The following EPSTI1 variants were observed in gnomAD, a reference collection of about 807,000 sequenced individuals.
EPSTI1 encodes the protein epithelial-stromal interaction protein 1.
Under a neutral mutation model 49.9 loss-of-function variants are expected in EPSTI1, and 66 were observed. That is an observed-to-expected ratio of 1.32 (90% CI 1.08 to 1.62). The LOEUF (loss-of-function observed/expected upper bound fraction) is 1.62. Ranked by LOEUF, EPSTI1 falls within the 40% of genes most tolerant of loss-of-function variation. The pLI, the probability that EPSTI1 is intolerant of heterozygous loss-of-function variation, is 0.00. For synonymous variants in EPSTI1, 137 were observed against 130.7 expected, an observed-to-expected ratio of 1.05 and a Z score of -0.33; for missense variants, 394 against 365.5, an observed-to-expected ratio of 1.08 and a Z score of -0.64.
In EPSTI1 at chr13:42,942,329, A is replaced by G. The variant is rs192910570; in HGVS notation, c.563+11619T>C. On this transcript the variant is annotated intron_variant, in intron 6 of 10. Transcript: ENST00000313624. ...TGTGAATGCTGACTTATTGGACTTA[A>G]TATTTTGCTTGTTACTTTTTATTGA... Among the ~76,000 whole-genome samples, 955 of 152,276 alleles carry G rather than the reference A, an allele frequency of 6.3e-3. 3 individuals are homozygous for G. Among genetic ancestry groups the G allele is most frequent in the Non-Finnish European group, 0.011 (735 of 68,006 alleles).
At chr13:42,931,496 C>T (rs1196899334) in intron 6 of EPSTI1, among the ~76,000 whole-genome samples, 4 of 152,230 alleles carry the variant, frequency 2.6e-5, no homozygotes, top group Non-Finnish European at 4.4e-5. Flanking sequence ...TGAGCCACCG[C>T]GCCCGGCCTT....
At chr13:42,981,039 T>C (rs931284607) in intron 1 of EPSTI1, among the ~76,000 whole-genome samples, 2 of 152,196 alleles carry the variant, frequency 1.3e-5, no homozygotes, top group Non-Finnish European at 2.9e-5. Flanking sequence ...ATACTAGCCC[T>C]TGAGTTTTAA....
At chr13:42,956,287 G>A (rs984927794) in intron 5 of EPSTI1, among the ~76,000 whole-genome samples, 24 of 152,198 alleles carry the variant, frequency 1.6e-4, no homozygotes, top group Non-Finnish European at 2.8e-4. Context: ...TTATGAGGGT[G>A]CTTCTTTCTA....
rs145216528 is a variant in EPSTI1 at position 42,961,293 on chromosome 13, G to A, written c.489+1962C>T. 8.6e-4 allele frequency among the ~76,000 whole-genome samples: 131 copies of A among 152,238 alleles called. 2 individuals carry two copies. In the East Asian group the frequency reaches 0.014, roughly 17 times the overall value. On this transcript the variant is annotated intron_variant, in intron 5 of 10. Transcript: ENST00000313624. The stretch of plus-strand genomic sequence containing the variant: ...TGTAGCATTTACTGATTTCCACATC[G>A]TAAATATTTTCCACCACAGTCGGTT...
intron 2 of EPSTI1, 93 bp from the exon 3 acceptor site, chr13:42,969,270 A>G (rs2039706974): frequency 3.3e-6 from 4 of 1,215,892 alleles, no homozygotes; most frequent in Non-Finnish European, 4.7e-6. Context: ...ATTAGAAGGC[A>G]ATTAACTATA....
intron 10 of EPSTI1, 97 bp from the exon 11 acceptor site, chr13:42,888,599 G>C: frequency 7.8e-7 from 1 of 1,279,632 alleles, no homozygotes; most frequent in Non-Finnish European, 1.1e-6. Flanking sequence ...ACGCTCTTAT[G>C]CATCAAGCTG....
chr13:42,920,014 T>C (rs2037947850), intron 7 of EPSTI1, among the ~76,000 whole-genome samples: 1 of 152,222 alleles, frequency 6.6e-6, no homozygotes, highest in Admixed American at 6.5e-5. Flanking sequence ...ATCTTCATCA[T>C]GCATCTCTTC....
intron 1 of EPSTI1, among the ~76,000 whole-genome samples, chr13:42,986,349 T>C (rs917001546): frequency 2.3e-4 from 35 of 152,236 alleles, no homozygotes; most frequent in African/African-American, 7.2e-4. Context: ...CCCAGAGTGC[T>C]AAGTGTCTTT....
In EPSTI1 at chr13:42,922,853, T is replaced by G. The variant is rs535551569; in HGVS notation, c.657+3483A>C. On this transcript the variant is annotated intron_variant, in intron 7 of 10. Coordinates refer to ENST00000313624, the MANE Select transcript of EPSTI1 (RefSeq NM_033255.5). This position sits in a 1 kb window ranked among gnomAD's most constrained non-coding sequence, Gnocchi z 4.8. ...GCTATAGAGCTTGGCCCCTCAGACA[T>G]TAACGTGCACACACATCTTCCATGG... 6.6e-6 allele frequency among the ~76,000 whole-genome samples: 1 copy of G among 152,262 alleles called. No individual in the cohort carries two copies. The highest frequency in any genetic ancestry group is 2.1e-4 in the South Asian group (1 of 4,822).
At chr13:42,989,879 C>A (rs2040163491) in intron 1 of EPSTI1, among the ~76,000 whole-genome samples, 1 of 152,036 alleles carries the variant, frequency 6.6e-6, no homozygotes. Flanking sequence ...AGGCGTGAGA[C>A]ACCATGCCCG....
intron 1 of EPSTI1, among the ~76,000 whole-genome samples, chr13:42,979,514 G>A (rs1430683729): frequency 6.6e-6 from 1 of 150,772 alleles, no homozygotes; most frequent in East Asian, 1.9e-4. Flanking sequence ...CCCGGAAGGC[G>A]GCGGAGCTTG....
chr13:42,941,522 A>G (rs768577189), intron 6 of EPSTI1, among the ~76,000 whole-genome samples: 10 of 151,586 alleles, frequency 6.6e-5, no homozygotes, highest in Non-Finnish European at 1.5e-4. Flanking sequence ...TGGGAGGCTG[A>G]GGTGGGATGA....
chr13:42,945,080 C>T (rs1187604018), intron 6 of EPSTI1, among the ~76,000 whole-genome samples: 1 of 152,192 alleles, frequency 6.6e-6, no homozygotes, highest in East Asian at 1.9e-4. Flanking sequence ...TCTGTTCTCA[C>T]ACTGCTAATA....
chr13:42,989,211 C>T (rs147555727), intron 1 of EPSTI1, among the ~76,000 whole-genome samples: 1 of 151,834 alleles, frequency 6.6e-6, no homozygotes, highest in East Asian at 1.9e-4. Flanking sequence ...CACAAACATT[C>T]GACTTAAGGG....
chr13:42,902,200 C>A (rs1443134854), intron 8 of EPSTI1, among the ~76,000 whole-genome samples: 1 of 151,926 alleles, frequency 6.6e-6, no homozygotes, highest in Non-Finnish European at 1.5e-5. Context: ...AACTTCCTCT[C>A]ATAGTACAGC....
chr13:42,962,639 C>G (rs1240324243), intron 5 of EPSTI1, among the ~76,000 whole-genome samples: 1 of 128,844 alleles, frequency 7.8e-6, no homozygotes, highest in African/African-American at 2.7e-5. Context: ...AAAAAAATAG[C>G]TATAGTGGTG....
chr13:42,888,111 A>G lies in EPSTI1; in HGVS notation c.*383T>C. 1.9e-6 allele frequency: 2 copies of G among 1,068,330 alleles called. No individual in the cohort carries two copies. Among genetic ancestry groups the G allele is most frequent in the African/African-American group, 1.6e-5 (1 of 63,182 alleles). The allele number at this position is 1,068,330 out of a possible 1,614,324, so 66.2% of individuals were successfully genotyped here. ...TCTAAAAAGACCCCCAAAGCTTTCA[A>G]AACCTGATCTGAGAATTAGATAAGA... On this transcript the variant is annotated 3_prime_UTR_variant, in exon 11 of 11. Coordinates refer to ENST00000313624, the MANE Select transcript of EPSTI1 (RefSeq NM_033255.5).
intron 2 of EPSTI1, 183 bp from the exon 3 acceptor site, chr13:42,969,360 C>T (rs1368766700): frequency 4.9e-5 from 30 of 608,420 alleles, no homozygotes; most frequent in Non-Finnish European, 8.2e-5. Flanking sequence ...CTGGGCCCGG[C>T]CCTGTGGCAC....
At chr13:42,969,705 A>G (rs1370422001) in intron 2 of EPSTI1, 5 of 153,602 alleles carry the variant, frequency 3.3e-5, no homozygotes, top group Non-Finnish European at 7.2e-5. Flanking sequence ...ACCACTGTGC[A>G]GAGTCGGCTT....
Sources: allele counts gnomAD v4.1 joint callset (sites outside exome capture counted in the v4.1 genomes callset), GRCh38; gene constraint gnomAD v4.1.1; non-coding constraint Gnocchi (gnomAD v3.1); transcripts MANE v1.5; gene names NCBI Gene and HGNC (gene_info 2026-07-23, HGNC 2026-07-21).